Variants in THEMIS observed in about 807,000 individuals in gnomAD.
THEMIS encodes the protein thymocyte selection associated, also known as protein THEMIS.
A neutral mutation model predicts 52.6 loss-of-function variants in THEMIS; 37 were observed. The observed-to-expected ratio is 0.70, with a 90% CI of 0.54 to 0.93. The LOEUF (loss-of-function observed/expected upper bound fraction) is 0.93, where lower values mean the gene tolerates loss of function less well. Ranked by LOEUF, THEMIS falls within the 40% of genes least tolerant of loss-of-function variation. The pLI is 0.00. For synonymous variants in THEMIS, 292 were observed against 272.7 expected, an observed-to-expected ratio of 1.07 and a Z score of -0.70; for missense variants, 808 against 763.1, an observed-to-expected ratio of 1.06 and a Z score of -0.69.
At chr6:127,879,643 T>C (rs1780416790) in intron 1 of THEMIS, among the ~76,000 whole-genome samples, 1 of 148,676 alleles carries the variant, frequency 6.7e-6, no homozygotes, top group Non-Finnish European at 1.5e-5. Context: ...AAAGAACAGA[T>C]TTACCAGAAA....
chr6:127,787,999 A>G (rs1314890800), intron 4 of THEMIS, among the ~76,000 whole-genome samples: 1 of 151,598 alleles, frequency 6.6e-6, no homozygotes, highest in Non-Finnish European at 1.5e-5. Flanking sequence ...GCATCTTAGC[A>G]CTGAGAAGGC....
At chr6:127,792,417 A>G (rs1202411629) in intron 4 of THEMIS, among the ~76,000 whole-genome samples, 1 of 152,178 alleles carries the variant, frequency 6.6e-6, no homozygotes, top group African/African-American at 2.4e-5. Flanking sequence ...TGATAATGAT[A>G]CCTATCTCAC....
the THEMIS span, among the ~76,000 whole-genome samples, chr6:127,698,754 C>T: frequency 6.6e-6 from 1 of 151,758 alleles, no homozygotes; most frequent in Non-Finnish European, 1.5e-5. Context: ...CCCACCCAGG[C>T]CCAGAAAATA....
At chr6:127,865,972 T>C (rs964511264) in intron 1 of THEMIS, among the ~76,000 whole-genome samples, 8 of 152,108 alleles carry the variant, frequency 5.3e-5, no homozygotes, top group African/African-American at 1.9e-4. Flanking sequence ...GAATGTTCTT[T>C]TCAATAAGGT....
chr6:127,789,813 A>G (rs1777098433), intron 4 of THEMIS, among the ~76,000 whole-genome samples: 1 of 152,238 alleles, frequency 6.6e-6, no homozygotes, highest in South Asian at 2.1e-4. Context: ...AAGGCCCTCG[A>G]TATAACTCAA....
intron 2 of THEMIS, among the ~76,000 whole-genome samples, chr6:127,833,501 T>A (rs1239400628): frequency 1.3e-5 from 2 of 152,206 alleles, no homozygotes; most frequent in Non-Finnish European, 2.9e-5. Context: ...AGCTTTGACA[T>A]CCAAGGTTTG....
chr6:127,755,097 AT>A (rs1350839696), intron 4 of THEMIS, among the ~76,000 whole-genome samples: 3 of 152,122 alleles, frequency 2.0e-5, no homozygotes, highest in Non-Finnish European at 4.4e-5. Flanking sequence ...GGTCTGCTGT[AT>A]ACAAGGCATC....
Position 127,778,995 on chromosome 6 carries a change from G to C in THEMIS, c.1758+33888C>G, listed in dbSNP as rs575932233. Among the ~76,000 whole-genome samples, 6 of 152,186 alleles carry C rather than the reference G, an allele frequency of 3.9e-5. No homozygotes were observed. In the South Asian group the frequency reaches 6.2e-4, roughly 16 times the overall value. ...AGGAGCAACTTCATGTGTTATATCT[G>C]CAGGATGTACATAGTCAGTTGTTAC... On this transcript the variant is annotated intron_variant, in intron 4 of 5. Transcript: ENST00000368248.
At chr6:127,843,317 C>A (rs1282861037) in intron 2 of THEMIS, among the ~76,000 whole-genome samples, 2 of 151,230 alleles carry the variant, frequency 1.3e-5, no homozygotes, top group African/African-American at 4.9e-5. Flanking sequence ...CTTCAGAACA[C>A]AAATCTGGAC....
upstream of THEMIS, among the ~76,000 whole-genome samples, chr6:127,902,313 A>G (rs1407911890): frequency 7.3e-6 from 1 of 137,348 alleles, no homozygotes; most frequent in East Asian, 2.1e-4. Context: ...TGACACAGCA[A>G]GACTCTGTCT....
At chr6:127,892,933 G>T (rs568914182) in intron 1 of THEMIS, among the ~76,000 whole-genome samples, 1 of 152,172 alleles carries the variant, frequency 6.6e-6, no homozygotes, top group Admixed American at 6.5e-5. Flanking sequence ...TATGTGAACT[G>T]CCTTTTACAT....
intron 4 of THEMIS, among the ~76,000 whole-genome samples, chr6:127,802,976 T>C (rs959202678): frequency 2.0e-5 from 3 of 152,354 alleles, no homozygotes; most frequent in Middle Eastern, 3.4e-3. Flanking sequence ...TCCATTCTGA[T>C]GCTTATGTTA....
At chr6:127,742,321 A>AC (rs1033669272) in intron 4 of THEMIS, among the ~76,000 whole-genome samples, 2 of 150,210 alleles carry the variant, frequency 1.3e-5, no homozygotes, top group Non-Finnish European at 3.0e-5. Context: ...CTTAAAAAAA[A>AC]AAAAAAACAA....
chr6:127,902,070 G>C (rs925290383), upstream of THEMIS, among the ~76,000 whole-genome samples: 5 of 151,918 alleles, frequency 3.3e-5, no homozygotes, highest in Admixed American at 6.6e-5. Context: ...CATACCTGTA[G>C]TCCCAGCACT....
chr6:127,724,741 C>T (rs192513794), intron 4 of THEMIS, among the ~76,000 whole-genome samples: 288 of 151,856 alleles, frequency 1.9e-3, no homozygotes, highest in Admixed American at 4.3e-3. Flanking sequence ...TTTTAATGTT[C>T]CTGCTAAAGG....
intron 3 of THEMIS, among the ~76,000 whole-genome samples, chr6:127,817,915 T>C (rs1043053681): frequency 6.6e-6 from 1 of 152,162 alleles, no homozygotes; most frequent in African/African-American, 2.4e-5. Context: ...GAGACAAATT[T>C]CCTTGTGCTT....
intron 4 of THEMIS, among the ~76,000 whole-genome samples, chr6:127,787,183 G>T (rs1776977792): frequency 6.6e-6 from 1 of 152,130 alleles, no homozygotes; most frequent in Admixed American, 6.6e-5. Context: ...CAGGAAGCAA[G>T]ATATAGGGTT....
chr6:127,798,909 G>A (rs1477883677), intron 4 of THEMIS, among the ~76,000 whole-genome samples: 1 of 149,962 alleles, frequency 6.7e-6, no homozygotes, highest in African/African-American at 2.5e-5. Context: ...GGAGAATGGC[G>A]TGAACCCGGG....
intron 3 of THEMIS, among the ~76,000 whole-genome samples, chr6:127,826,847 C>A (rs965189549): frequency 6.6e-6 from 1 of 152,152 alleles, no homozygotes; most frequent in Non-Finnish European, 1.5e-5. Flanking sequence ...TTTTCTAAAT[C>A]ATTAAATGTG....
Sources: allele counts gnomAD v4.1 joint callset (sites outside exome capture counted in the v4.1 genomes callset), GRCh38; gene constraint gnomAD v4.1.1; transcripts MANE v1.5; gene names NCBI Gene and HGNC (gene_info 2026-07-23, HGNC 2026-07-21).